MTREX: variants seen among roughly 807,000 people sequenced by gnomAD.
The protein encoded by MTREX is exosome RNA helicase MTR4.
MTREX carries 76 observed loss-of-function variants against 135.4 expected under a neutral mutation model. The observed-to-expected ratio is 0.56, with a 90% CI of 0.47 to 0.68. The LOEUF (loss-of-function observed/expected upper bound fraction) is 0.68. Among genes scored for constraint, MTREX ranks in the 30% least tolerant of loss-of-function variants. The probability of loss-of-function intolerance (pLI) is 0.00; values close to 1 mark genes in which losing one functional copy is unlikely to be tolerated. For synonymous variants in MTREX, 404 were observed against 401.6 expected (o/e 1.01, Z -0.07); for missense variants, 920 against 1,262.1 (o/e 0.73, Z 4.11).
Position 55,387,979 on chromosome 5 carries a change from CT to C in MTREX, c.2059del (p.Ser687LeufsTer9). ...TCTTCTGTTTTGTTTTTTAGCCTAA[CT>C]CTGGTGAACTGGATCCTTTGTATGT... Reference protein sequence around the residue: ...FSKKSNVKPNSGELDPLYVVE... With the variant: ...FSKKSNVKPNXGELDPLYVVE... On this transcript the variant is annotated frameshift_variant, in exon 19 of 27. Transcript: ENST00000230640. LOFTEE classifies it high-confidence loss of function. The C allele has an allele frequency of 6.3e-7, 1 of 1,581,136 alleles. No individual in the cohort carries two copies. Among genetic ancestry groups the C allele is most frequent in the Non-Finnish European group, 8.6e-7 (1 of 1,158,016 alleles).
intron 23 of MTREX, among the ~76,000 whole-genome samples, chr5:55,411,667 A>G (rs564131030): frequency 6.6e-6 from 1 of 152,174 alleles, no homozygotes; most frequent in African/African-American, 2.4e-5. Context: ...AACAAATAGG[A>G]CAATAATCCA....
intron 1 of MTREX, among the ~76,000 whole-genome samples, chr5:55,319,901 T>C (rs1213351059): frequency 6.6e-6 from 1 of 152,172 alleles, no homozygotes; most frequent in Non-Finnish European, 1.5e-5. Flanking sequence ...CAGCTCCTAA[T>C]AGAATGTTTT....
chr5:55,414,176 T>C lies in MTREX; in HGVS notation c.2752-6T>C. The stretch of plus-strand genomic sequence containing the variant: ...TTTTATATCTTGTTTTCCTTTTCTT[T>C]TATAGTCTAGTGAGATGCCCAAATT... On this transcript the variant is annotated splice_region_variant and splice_polypyrimidine_tract_variant and intron_variant, in intron 23 of 26. Coordinates refer to ENST00000230640, the MANE Select transcript of MTREX (RefSeq NM_015360.5). 6.4e-7 allele frequency: 1 copy of C among 1,552,450 alleles called. No homozygotes were observed. The highest frequency in any genetic ancestry group is 8.6e-7 in the Non-Finnish European group (1 of 1,159,062).
chr5:55,393,962 A>G (rs1180547034), intron 19 of MTREX, among the ~76,000 whole-genome samples: 1 of 152,186 alleles, frequency 6.6e-6, no homozygotes, highest in Non-Finnish European at 1.5e-5. Context: ...CATTTATAGA[A>G]TGGCCTTTGT....
rs186102770 is a variant in MTREX at position 55,388,599 on chromosome 5, T to C, written c.2181+497T>C. ...TGTGTTAGATGATTTTGCCCAAATG[T>C]AAGCCAGTGTAAGTGTTCTTAGCAC... is the stretch of plus-strand genomic sequence containing the variant. On this transcript the variant is annotated intron_variant, in intron 19 of 26. Coordinates refer to ENST00000230640, the MANE Select transcript of MTREX (RefSeq NM_015360.5). Among the ~76,000 whole-genome samples the C allele has an allele frequency of 4.6e-5, 7 of 152,322 alleles. No individual in the cohort carries two copies. The East Asian group carries it at 1.3e-3, about 29-fold the overall frequency.
At chr5:55,415,039 T>A (rs1219336623) in intron 24 of MTREX, among the ~76,000 whole-genome samples, 1 of 151,956 alleles carries the variant, frequency 6.6e-6, no homozygotes, top group East Asian at 1.9e-4. Context: ...ATTTCTCTCT[T>A]ACTATTTTCA....
At chr5:55,333,090 A>G (rs1318478074) in intron 5 of MTREX, among the ~76,000 whole-genome samples, 2 of 151,886 alleles carry the variant, frequency 1.3e-5, no homozygotes, top group African/African-American at 4.8e-5. Context: ...ATAATTTTGT[A>G]TTCCTGGTCA....
intron 16 of MTREX, among the ~76,000 whole-genome samples, chr5:55,372,572 T>C (rs1471234642): frequency 6.6e-6 from 1 of 152,186 alleles, no homozygotes; most frequent in Non-Finnish European, 1.5e-5. Context: ...GCACACTGGT[T>C]ACATAGAGCA....
intron 19 of MTREX, among the ~76,000 whole-genome samples, chr5:55,389,144 G>A (rs1750525608): frequency 6.6e-6 from 1 of 152,242 alleles, no homozygotes; most frequent in South Asian, 2.1e-4. Flanking sequence ...ACCACCAAGT[G>A]AAACTTGTGT....
In MTREX at chr5:55,329,942, A is replaced by G. The variant is rs926122398; in HGVS notation, c.515+1131A>G. Among the ~76,000 whole-genome samples, 3 of 151,066 alleles carry G rather than the reference A, an allele frequency of 2.0e-5. No individual in the cohort carries two copies. In the Admixed American group the frequency reaches 2.0e-4, roughly 10 times the overall value. On this transcript the variant is annotated intron_variant, in intron 5 of 26. Transcript: ENST00000230640. Reference sequence around the variant, plus strand: ...TTGGGCCGCTTAAAGTTGTCTCACAACTCACTGATACTATATTCATTTTTT... The same window carrying G: ...TTGGGCCGCTTAAAGTTGTCTCACAGCTCACTGATACTATATTCATTTTTT...
chr5:55,371,561 C>A (rs1750202644), intron 16 of MTREX, among the ~76,000 whole-genome samples: 1 of 152,116 alleles, frequency 6.6e-6, no homozygotes, highest in Non-Finnish European at 1.5e-5. Context: ...CTCATTTGCA[C>A]TGCAGTTAAA....
At chr5:55,417,755 TAAGGATGAA>T (rs1366083746) in intron 25 of MTREX, among the ~76,000 whole-genome samples, 1 of 152,124 alleles carries the variant, frequency 6.6e-6, no homozygotes, top group African/African-American at 2.4e-5. Flanking sequence ...TTTTGGAACA[TAAGGATGAA>T]ACTAGTAACT....
At chr5:55,423,161 A>G (rs1377847227) in intron 26 of MTREX, 179 bp downstream of exon 26, 3 of 589,150 alleles carry the variant, frequency 5.1e-6, no homozygotes, top group Non-Finnish European at 9.0e-6. Context: ...GAGATTTTAT[A>G]TATACATGCA....
intron 25 of MTREX, among the ~76,000 whole-genome samples, chr5:55,417,954 G>T (rs1166377063): frequency 6.6e-6 from 1 of 150,592 alleles, no homozygotes; most frequent in Admixed American, 6.6e-5. Context: ...TAAAAAGCAG[G>T]CCAGGCACGG....
chr5:55,324,120 A>G lies in MTREX; in HGVS notation c.273-12A>G, dbSNP rs201030240. 52 of 1,601,938 alleles carry G rather than the reference A, an allele frequency of 3.2e-5. No homozygotes were observed. Among genetic ancestry groups the G allele is most frequent in the Admixed American group, 2.5e-4 (15 of 59,752 alleles). On this transcript the variant is annotated splice_polypyrimidine_tract_variant and intron_variant, in intron 2 of 26. Transcript: ENST00000230640. Reference sequence around the variant, plus strand: ...ATTTGTTTTTGTGTAACTTTAAACAATTCTTTTTAAGTTTGGCAGACCTGA... The same window carrying G: ...ATTTGTTTTTGTGTAACTTTAAACAGTTCTTTTTAAGTTTGGCAGACCTGA...
At chr5:55,405,347 G>T in intron 21 of MTREX, 78 bp from the exon 22 acceptor site, 5 of 1,255,032 alleles carry the variant, frequency 4.0e-6, no homozygotes, top group Admixed American at 4.5e-5. Flanking sequence ...AATATTTTTT[G>T]TTTGATTTCA....
chr5:55,308,746 C>T (rs1235365486), intron 1 of MTREX, among the ~76,000 whole-genome samples: 1 of 152,098 alleles, frequency 6.6e-6, no homozygotes. Context: ...ATTACTGGAC[C>T]CTACCCATAT....
At chr5:55,374,263 TTTA>T (rs1477113616) in intron 16 of MTREX, among the ~76,000 whole-genome samples, 1 of 140,634 alleles carries the variant, frequency 7.1e-6, no homozygotes, top group African/African-American at 2.8e-5. Context: ...TCAAAAAACA[TTTA>T]TATATATATA....
chr5:55,414,531 C>T (rs1311721681), intron 24 of MTREX, among the ~76,000 whole-genome samples: 2 of 152,146 alleles, frequency 1.3e-5, no homozygotes, highest in Non-Finnish European at 1.5e-5. Flanking sequence ...ATTGACAGCT[C>T]AGTGCATGTG....
Sources: allele counts gnomAD v4.1 joint callset (sites outside exome capture counted in the v4.1 genomes callset), GRCh38; gene constraint gnomAD v4.1.1; transcripts MANE v1.5; gene names NCBI Gene and HGNC (gene_info 2026-07-23, HGNC 2026-07-21).